GSG1L: variants seen among roughly 807,000 people sequenced by gnomAD.
GSG1L encodes the protein germ cell-specific gene 1-like protein.
GSG1L carries 24 observed loss-of-function variants against 42.1 expected under a neutral mutation model. The observed-to-expected ratio is 0.57, with a 90% CI of 0.41 to 0.80. The LOEUF is 0.80. Among genes scored for constraint, GSG1L ranks in the 30% least tolerant of loss-of-function variants. The pLI is 0.00. For synonymous variants in GSG1L, 215 were observed against 203.5 expected (o/e 1.06, Z -0.48); for missense variants, 445 against 472.2 (o/e 0.94, Z 0.53).
At position 27,869,251 on chromosome 16, in the gene GSG1L, G is replaced by A. The variant is rs188146836; in HGVS notation, c.550+15235C>T. 9.9e-5 allele frequency among the ~76,000 whole-genome samples: 15 copies of A among 151,682 alleles called. No homozygotes were observed. In the East Asian group the frequency reaches 2.9e-3, roughly 29 times the overall value. ...GGAGGTGGAGAGAACAGAAGAAGGAGGGCCTTCAAGGCTCCGGGAATTGCA... is the reference window on the plus strand; with the variant it reads ...GGAGGTGGAGAGAACAGAAGAAGGAAGGCCTTCAAGGCTCCGGGAATTGCA... On this transcript the variant is annotated intron_variant, in intron 3 of 6. Transcript: ENST00000447459.
At chr16:27,846,001 C>T (rs2083439169) in intron 3 of GSG1L, among the ~76,000 whole-genome samples, 1 of 151,926 alleles carries the variant, frequency 6.6e-6, no homozygotes, top group African/African-American at 2.4e-5. Context: ...CTCCCAGGCT[C>T]AGTTGATCCT....
chr16:27,909,152 A>T (rs1043949762), intron 2 of GSG1L, among the ~76,000 whole-genome samples: 1 of 152,074 alleles, frequency 6.6e-6, no homozygotes, highest in African/African-American at 2.4e-5. Flanking sequence ...TGTCTGGCAC[A>T]CAGCAAGAGT....
chr16:27,877,511 C>A (rs567677909), intron 3 of GSG1L, among the ~76,000 whole-genome samples: 1 of 152,100 alleles, frequency 6.6e-6, no homozygotes, highest in Non-Finnish European at 1.5e-5. Context: ...CTAGCAGTAT[C>A]GTGAGCTCCA....
intron 2 of GSG1L, among the ~76,000 whole-genome samples, chr16:27,899,977 G>A (rs1348986962): frequency 1.3e-5 from 2 of 152,156 alleles, no homozygotes; most frequent in East Asian, 1.9e-4. Flanking sequence ...TTCAGCCTCC[G>A]CTCCTTGCCT....
chr16:27,879,744 T>C (rs2083929432), intron 3 of GSG1L, among the ~76,000 whole-genome samples: 1 of 152,218 alleles, frequency 6.6e-6, no homozygotes, highest in South Asian at 2.1e-4. Context: ...GTAAATGATA[T>C]GTAAATAGTT....
chr16:27,830,639 T>G (rs1400787769), intron 4 of GSG1L, among the ~76,000 whole-genome samples: 6 of 152,222 alleles, frequency 3.9e-5, no homozygotes, highest in African/African-American at 1.4e-4. Flanking sequence ...AGAGCTTCCC[T>G]GTCCACCAAA....
At chr16:27,910,000 C>T (rs1468109505) in intron 2 of GSG1L, among the ~76,000 whole-genome samples, 2 of 145,716 alleles carry the variant, frequency 1.4e-5, no homozygotes, top group Non-Finnish European at 3.0e-5. Context: ...TGCTCTGTCA[C>T]CCAGGCTGGA....
chr16:27,811,056 C>CA (rs60757090), intron 5 of GSG1L, among the ~76,000 whole-genome samples: 31,554 of 152,052 alleles, frequency 0.21, 3,719 homozygotes, highest in African/African-American at 0.33. Context: ...CAAAAACAAA[C>CA]AAAAAATCTC....
intron 3 of GSG1L, among the ~76,000 whole-genome samples, chr16:27,872,499 T>TGG (rs1489204933): frequency 4.6e-5 from 7 of 152,136 alleles, no homozygotes; most frequent in African/African-American, 1.7e-4. Context: ...AGTGACTCCA[T>TGG]CTTGACGAGG....
At chr16:27,869,182 T>C (rs1196864519) in intron 3 of GSG1L, among the ~76,000 whole-genome samples, 1 of 151,852 alleles carries the variant, frequency 6.6e-6, no homozygotes, top group African/African-American at 2.4e-5. Flanking sequence ...TCTAGGACCT[T>C]CCTTGGACGG....
At chr16:27,901,267 C>T (rs1004447546) in intron 2 of GSG1L, among the ~76,000 whole-genome samples, 1 of 152,212 alleles carries the variant, frequency 6.6e-6, no homozygotes, top group African/African-American at 2.4e-5. Context: ...TTCAAGATAT[C>T]TGCAACCCCT....
At chr16:27,823,032 A>G (rs998556733) in intron 5 of GSG1L, among the ~76,000 whole-genome samples, 5 of 152,182 alleles carry the variant, frequency 3.3e-5, no homozygotes, top group South Asian at 2.1e-4. Flanking sequence ...CTGGGATCCA[A>G]TCCAACAGGT....
chr16:27,967,812 C>G (rs1353017182), intron 1 of GSG1L, among the ~76,000 whole-genome samples: 5 of 152,138 alleles, frequency 3.3e-5, no homozygotes, highest in African/African-American at 1.2e-4. Context: ...ACTTGGGAGG[C>G]TGAGGCAGGA....
chr16:28,027,708 G>A (rs1458912833), intron 1 of GSG1L, among the ~76,000 whole-genome samples: 1 of 152,076 alleles, frequency 6.6e-6, no homozygotes, highest in Non-Finnish European at 1.5e-5. Flanking sequence ...GCTTAAACTA[G>A]TAGGGTTTCC....
intron 1 of GSG1L, among the ~76,000 whole-genome samples, chr16:27,999,197 C>T (rs2085553509): frequency 6.6e-6 from 1 of 152,188 alleles, no homozygotes; most frequent in African/African-American, 2.4e-5. Flanking sequence ...AATCCCAGAA[C>T]TTTGGGAGGC....
chr16:27,942,915 C>T (rs1345065937), intron 2 of GSG1L, among the ~76,000 whole-genome samples: 1 of 152,164 alleles, frequency 6.6e-6, no homozygotes, highest in Non-Finnish European at 1.5e-5. Flanking sequence ...TGGGTAGATG[C>T]GAAACCAGTG....
rs897369207 is a variant in GSG1L at position 27,790,019 on chromosome 16, ATGATGGATAGC to A, written c.*1340_*1350del. The stretch of plus-strand genomic sequence containing the variant: ...GCTGGATGGATGGATGGATGGATAG[ATGATGGATAGC>A]TGATGAATGAGTGGATGGATGGCAA... On this transcript the variant is annotated 3_prime_UTR_variant, in exon 7 of 7. Coordinates refer to ENST00000447459, the MANE Select transcript of GSG1L (RefSeq NM_001109763.2). 1 of 151,326 alleles carries A rather than the reference ATGATGGATAGC, an allele frequency of 6.6e-6. No individual in the cohort carries two copies. The highest frequency in any genetic ancestry group is 1.5e-5 in the Non-Finnish European group (1 of 67,828). 9.4% of individuals were successfully genotyped at this position (151,326 alleles called of 1,614,324 possible).
intron 1 of GSG1L, among the ~76,000 whole-genome samples, chr16:28,023,981 G>A (rs535974206): frequency 1.3e-5 from 2 of 152,162 alleles, no homozygotes; most frequent in East Asian, 3.9e-4. Context: ...AGTGAGCCGT[G>A]ATCACACCAC....
intron 1 of GSG1L, among the ~76,000 whole-genome samples, chr16:28,017,808 T>C (rs2085797157): frequency 6.6e-6 from 1 of 152,186 alleles, no homozygotes; most frequent in African/African-American, 2.4e-5. Context: ...TAGGATTATG[T>C]GGGTGTTAAA....
Sources: gnomAD v4.1 joint callset for allele counts (sites outside exome capture counted in the v4.1 genomes callset) on GRCh38, gnomAD v4.1.1 for gene constraint, MANE v1.5 for transcripts, NCBI Gene and HGNC (gene_info 2026-07-23, HGNC 2026-07-21) for gene names.